PSMA1: variants seen among roughly 807,000 people sequenced by gnomAD.
PSMA1 encodes proteasome 20S subunit alpha 1, also known as proteasome subunit alpha type-1.
PSMA1 carries 3 observed loss-of-function variants against 38.4 expected under a neutral mutation model. The ratio of observed to expected loss-of-function variants is 0.08; its 90% CI spans 0.04 to 0.20. The LOEUF (loss-of-function observed/expected upper bound fraction) is 0.20, where lower values mean the gene tolerates loss of function less well. Among genes scored for constraint, PSMA1 ranks in the 10% least tolerant of loss-of-function variants. The pLI is 1.00. For missense variants in PSMA1, 227 were observed against 325.3 expected, an observed-to-expected ratio of 0.70 and a Z score of 2.32; for synonymous variants, 101 against 107.1, an observed-to-expected ratio of 0.94 and a Z score of 0.35.
intron 2 of PSMA1, among the ~76,000 whole-genome samples, chr11:14,608,096 A>T (rs1852664673): frequency 6.6e-6 from 1 of 152,184 alleles, no homozygotes; most frequent in East Asian, 1.9e-4. Flanking sequence ...TCATGCCTGT[A>T]ATCCTAGTAC....
rs11023279 is a variant in PSMA1, at chr11:14,619,749, C to T, written c.-165-8598G>A. Among the ~76,000 whole-genome samples the T allele has an allele frequency of 4.8e-3, 734 of 152,112 alleles. 32 individuals are homozygous for T. The East Asian group carries it at 0.11, about 22-fold the overall frequency. ...GGTTAGAAATCACTCTCTTAGTACC[C>T]TCAAAGTTTAAACACTGGATTACTC... On this transcript the variant is annotated intron_variant, in intron 1 of 10. Coordinates refer to the PSMA1 transcript ENST00000418988.
intron 2 of PSMA1, among the ~76,000 whole-genome samples, chr11:14,599,400 C>T (rs1852549206): frequency 6.6e-6 from 1 of 152,188 alleles, no homozygotes; most frequent in Admixed American, 6.5e-5. Context: ...GTGGTCTTTT[C>T]ACATAGTCCC....
At chr11:14,606,021 T>C (rs1333643269) in intron 2 of PSMA1, among the ~76,000 whole-genome samples, 1 of 152,254 alleles carries the variant, frequency 6.6e-6, no homozygotes, top group Non-Finnish European at 1.5e-5. Flanking sequence ...GTCTTACATT[T>C]AAATTTTTAA....
At chr11:14,636,491 CCTCTT>C (rs1288899112) in intron 1 of PSMA1, among the ~76,000 whole-genome samples, 1 of 152,058 alleles carries the variant, frequency 6.6e-6, no homozygotes, top group East Asian at 1.9e-4. Flanking sequence ...AAAAACAAAT[CCTCTT>C]CTCTTCTCAC....
intron 2 of PSMA1, among the ~76,000 whole-genome samples, chr11:14,590,395 G>C (rs1402407781): frequency 6.6e-6 from 1 of 152,018 alleles, no homozygotes; most frequent in East Asian, 1.9e-4. Context: ...TTGTTTGTTT[G>C]TTAGTTTTCA....
intron 7 of PSMA1, among the ~76,000 whole-genome samples, chr11:14,513,118 T>C (rs1286146388): frequency 6.6e-6 from 1 of 152,238 alleles, no homozygotes; most frequent in South Asian, 2.1e-4. Context: ...TCATAACATC[T>C]TACCTCTTTT....
chr11:14,557,528 CAACGTGCCTGGCCATCTTTT>C (rs1367924551), intron 2 of PSMA1, among the ~76,000 whole-genome samples: 1 of 152,212 alleles, frequency 6.6e-6, no homozygotes, highest in Non-Finnish European at 1.5e-5. Flanking sequence ...AGGCGTGAGC[CAACGTGCCTGGCCATCTTTT>C]AATTTTTCTA....
chr11:14,566,811 A>G (rs1391663289), intron 2 of PSMA1, among the ~76,000 whole-genome samples: 1 of 152,190 alleles, frequency 6.6e-6, no homozygotes, highest in East Asian at 1.9e-4. Context: ...GTGAAAAGAT[A>G]CAAAGAATAA....
At chr11:14,522,067 G>T (rs1164556885), upstream of PSMA1, among the ~76,000 whole-genome samples, 1 of 152,106 alleles carries the variant, frequency 6.6e-6, no homozygotes, top group Non-Finnish European at 1.5e-5. Context: ...TAAACATTTT[G>T]AAAATTCTTT....
At chr11:14,530,430 A>G (rs1257282199) in intron 2 of PSMA1, among the ~76,000 whole-genome samples, 1 of 152,210 alleles carries the variant, frequency 6.6e-6, no homozygotes, top group East Asian at 1.9e-4. Context: ...AGCCTCAGCC[A>G]AACTGAGACA....
intron 7 of PSMA1, 84 bp downstream of exon 7, chr11:14,513,486 A>G (rs1484431595): frequency 8.1e-7 from 1 of 1,231,962 alleles, no homozygotes; most frequent in Non-Finnish European, 1.0e-6. Context: ...TTACAGTTTT[A>G]TGCATTTAGG....
chr11:14,586,343 A>G (rs1199913467), intron 2 of PSMA1, among the ~76,000 whole-genome samples: 1 of 152,040 alleles, frequency 6.6e-6, no homozygotes, highest in Non-Finnish European at 1.5e-5. Flanking sequence ...AAGGCAGGAG[A>G]ATCACTTGAA....
chr11:14,509,495 T>C (rs1270932996), intron 8 of PSMA1, among the ~76,000 whole-genome samples: 1 of 133,068 alleles, frequency 7.5e-6, no homozygotes, highest in East Asian at 2.0e-4. Flanking sequence ...CTACAATCTG[T>C]TTTTTTTTTT....
chr11:14,554,838 T>C (rs1851925754), intron 2 of PSMA1, among the ~76,000 whole-genome samples: 1 of 152,216 alleles, frequency 6.6e-6, no homozygotes, highest in African/African-American at 2.4e-5. Flanking sequence ...GATGGTATTA[T>C]TAGACCAGTT....
chr11:14,547,249 G>C (rs1851836496), intron 2 of PSMA1, among the ~76,000 whole-genome samples: 1 of 152,188 alleles, frequency 6.6e-6, no homozygotes, highest in Admixed American at 6.5e-5. Flanking sequence ...TGTTAGAGTA[G>C]TAGGGCCTGG....
intron 2 of PSMA1, among the ~76,000 whole-genome samples, chr11:14,531,038 T>C (rs532027895): frequency 9.2e-5 from 14 of 152,336 alleles, no homozygotes; most frequent in African/African-American, 3.4e-4. Context: ...TAGATAGTTT[T>C]ATCTGGAAAT....
chr11:14,538,047 G>A (rs940205487), intron 2 of PSMA1, among the ~76,000 whole-genome samples: 1 of 151,984 alleles, frequency 6.6e-6, no homozygotes, highest in Non-Finnish European at 1.5e-5. Flanking sequence ...GAAAAACAAC[G>A]AAATAATTAT....
At chr11:14,566,825 C>A (rs1383489627) in intron 2 of PSMA1, among the ~76,000 whole-genome samples, 2 of 152,118 alleles carry the variant, frequency 1.3e-5, no homozygotes. Flanking sequence ...AGAATAACAA[C>A]ATAAATGATA....
intron 1 of PSMA1, among the ~76,000 whole-genome samples, chr11:14,630,327 G>C (rs1386672101): frequency 6.6e-6 from 1 of 152,132 alleles, no homozygotes; most frequent in Non-Finnish European, 1.5e-5. Flanking sequence ...TTATTATTTT[G>C]AGATACGTCC....
Sources: allele counts gnomAD v4.1 joint callset (sites outside exome capture counted in the v4.1 genomes callset), GRCh38; gene constraint gnomAD v4.1.1; transcripts MANE v1.5; gene names NCBI Gene and HGNC (gene_info 2026-07-23, HGNC 2026-07-21).